Variants in DCHS2 observed in about 807,000 individuals in gnomAD.
The protein encoded by DCHS2 is dachsous cadherin-related 2, also known as protocadherin-23.
DCHS2 carries 142 observed loss-of-function variants against 182.4 expected under a neutral mutation model. The ratio of observed to expected loss-of-function variants is 0.78; its 90% confidence interval spans 0.68 to 0.89. DCHS2 has a LOEUF of 0.89. Among genes scored for constraint, DCHS2 ranks in the 40% least tolerant of loss-of-function variants. The pLI is 0.00. For synonymous variants in DCHS2, 1,740 were observed against 1,663.3 expected (o/e 1.05, Z -1.12); for missense variants, 4,319 against 4,198.6 (o/e 1.03, Z -0.79).
In DCHS2 at chr4:154,428,397, G is replaced by C. The variant is rs955509401; in HGVS notation, c.2053-50953C>G. Among the ~76,000 whole-genome samples the C allele has an allele frequency of 2.6e-5, 4 of 151,962 alleles. No homozygotes were observed. The East Asian group carries it at 5.8e-4, about 22-fold the overall frequency. On this transcript the variant is annotated intron_variant, in intron 1 of 19. Coordinates refer to ENST00000357232, the MANE Select transcript of DCHS2 (RefSeq NM_001358235.2). ...TCTCTACAAAAATAAAAATTAGCCAGGCGTGGTGGTATGTGCCTGTGATTT... is the reference window on the plus strand; with the variant it reads ...TCTCTACAAAAATAAAAATTAGCCACGCGTGGTGGTATGTGCCTGTGATTT...
chr4:154,447,850 C>A (rs1438070024), intron 1 of DCHS2, among the ~76,000 whole-genome samples: 1 of 152,174 alleles, frequency 6.6e-6, no homozygotes, highest in Non-Finnish European at 1.5e-5. Flanking sequence ...TTCCAAGCAA[C>A]CTGAATGTGG....
intron 1 of DCHS2, among the ~76,000 whole-genome samples, chr4:154,488,359 T>C (rs1728662321): frequency 6.6e-6 from 1 of 152,120 alleles, no homozygotes; most frequent in African/African-American, 2.4e-5. Flanking sequence ...TGAGTCCCAC[T>C]GCCCCTCAGA....
At chr4:154,432,081 G>A (rs915763016) in intron 1 of DCHS2, among the ~76,000 whole-genome samples, 1 of 152,124 alleles carries the variant, frequency 6.6e-6, no homozygotes, top group Non-Finnish European at 1.5e-5. Context: ...ACTATCTCTC[G>A]ACTATGGGAA....
intron 2 of DCHS2, among the ~76,000 whole-genome samples, chr4:154,376,918 T>G (rs538959365): frequency 6.6e-6 from 1 of 152,332 alleles, no homozygotes; most frequent in African/African-American, 2.4e-5. Flanking sequence ...AATTGTGAAC[T>G]TATTTGGATC....
intron 16 of DCHS2, among the ~76,000 whole-genome samples, chr4:154,249,785 C>T (rs1393643877): frequency 6.6e-6 from 1 of 151,798 alleles, no homozygotes; most frequent in Non-Finnish European, 1.5e-5. Flanking sequence ...AACAAATTAA[C>T]ACATAAACAA....
chr4:154,356,188 G>A (rs1056612472), intron 3 of DCHS2, among the ~76,000 whole-genome samples: 3 of 151,720 alleles, frequency 2.0e-5, no homozygotes, highest in Admixed American at 6.6e-5. Flanking sequence ...TAATGTGTGC[G>A]TTTGTGTCTC....
In DCHS2 at chr4:154,366,877, C is replaced by T. The variant is rs568939833; in HGVS notation, c.2245-436G>A. Among the ~76,000 whole-genome samples, 5 of 152,132 alleles carry T rather than the reference C, an allele frequency of 3.3e-5. No homozygotes were observed. In the East Asian group the frequency reaches 9.7e-4, roughly 29 times the overall value. On this transcript the variant is annotated intron_variant, in intron 2 of 19. Coordinates refer to ENST00000357232, the MANE Select transcript of DCHS2 (RefSeq NM_001358235.2). Reference sequence around the variant, plus strand: ...AAAAGAAATCAAAATCACTTTTATCCCTAAGATAATTTTTAAGTGAATGCT... The same window carrying T: ...AAAAGAAATCAAAATCACTTTTATCTCTAAGATAATTTTTAAGTGAATGCT...
rs766901031 is a variant in DCHS2, at chr4:154,490,020, C to A, written c.1336G>T (p.Gly446Cys). The A allele has an allele frequency of 6.5e-6, 10 of 1,547,954 alleles. No homozygotes were observed. The highest frequency in any genetic ancestry group is 1.7e-4 in the Middle Eastern group (1 of 6,010). ...VARVSVSDADGDWEKEDEATG... is the reference protein window; with the variant it reads ...VARVSVSDADCDWEKEDEATG... ...GCCTCATCTTCCTTCTCCCAGTCAC[C>A]GTCCGCGTCAGACACCGAGACGCGA... The change falls in exon 1 of 20, where the codon GGT (glycine) becomes TGT (cysteine). Residue 446 changes from glycine to cysteine, a missense_variant. Coordinates refer to ENST00000357232, the MANE Select transcript of DCHS2 (RefSeq NM_001358235.2).
At chr4:154,486,414 A>G (rs1728587956) in intron 1 of DCHS2, 1 of 1,304,000 alleles carries the variant, frequency 7.7e-7, no homozygotes, top group Non-Finnish European at 1.0e-6. Context: ...TGTTTTTATC[A>G]GATGACATGG....
rs573457777 is a variant in DCHS2 at position 154,402,895 on chromosome 4, G to A, written c.2053-25451C>T. 2.6e-5 allele frequency among the ~76,000 whole-genome samples: 4 copies of A among 152,082 alleles called. No individual in the cohort carries two copies. In the South Asian group the frequency reaches 6.2e-4, roughly 24 times the overall value. On this transcript the variant is annotated intron_variant, in intron 1 of 19. Transcript: ENST00000357232. ...TGTAGTTTCCAGTGTACAAGTCCTC[G>A]TGCATTTTATTAAATTTATTCTTAG...
intron 12 of DCHS2, among the ~76,000 whole-genome samples, chr4:154,301,358 G>C (rs1198392082): frequency 6.6e-6 from 1 of 152,170 alleles, no homozygotes; most frequent in Non-Finnish European, 1.5e-5. Flanking sequence ...AGGCATACAA[G>C]TACTAAATTA....
intron 2 of DCHS2, among the ~76,000 whole-genome samples, chr4:154,368,448 G>T (rs1730494433): frequency 6.6e-6 from 1 of 151,674 alleles, no homozygotes; most frequent in Non-Finnish European, 1.5e-5. Flanking sequence ...TAAGAACAAA[G>T]ATCCTAAATC....
At chr4:154,367,470 T>C (rs1161614712) in intron 2 of DCHS2, among the ~76,000 whole-genome samples, 1 of 152,112 alleles carries the variant, frequency 6.6e-6, no homozygotes, top group African/African-American at 2.4e-5. Context: ...CCTAAAGTAG[T>C]GAGAAGTGGA....
intron 8 of DCHS2, among the ~76,000 whole-genome samples, chr4:154,321,458 T>C (rs1312119120): frequency 6.6e-6 from 1 of 152,168 alleles, no homozygotes; most frequent in Non-Finnish European, 1.5e-5. Context: ...TTTGCTGTAT[T>C]GTGTGAAACA....
At chr4:154,242,439 G>GCTTTGACATTTTACTC (rs1184253249) in intron 17 of DCHS2, among the ~76,000 whole-genome samples, 5 of 152,092 alleles carry the variant, frequency 3.3e-5, no homozygotes, top group African/African-American at 1.2e-4. Flanking sequence ...ATGGGGACTT[G>GCTTTGACATTTTACTC]CTTTGACATT....
Position 154,333,094 on chromosome 4 carries a change from G to T in DCHS2, c.3114C>A (p.Asn1038Lys). The change falls in exon 5 of 20, where the codon AAC becomes AAA. Residue 1038 changes from asparagine to lysine, a missense_variant. Asn to Lys is a moderately conservative substitution (Grantham distance 94, BLOSUM62 0). Coordinates refer to ENST00000357232, the MANE Select transcript of DCHS2 (RefSeq NM_001358235.2). ...IDRALGVLFL[N>K]GSLGAGEQRE... ...GCTGCTCGCCCGCGCCCAGGCTGCC[G>T]TTGAGGAACAGCACCCCCAGGGCTC... is the stretch of plus-strand genomic sequence containing the variant. 4.3e-6 allele frequency: 7 copies of T among 1,614,068 alleles called. No individual in the cohort carries two copies. The highest frequency in any genetic ancestry group is 5.9e-6 in the Non-Finnish European group (7 of 1,180,022).
intron 12 of DCHS2, among the ~76,000 whole-genome samples, chr4:154,299,674 T>C (rs1037418084): frequency 2.6e-5 from 4 of 152,176 alleles, no homozygotes; most frequent in South Asian, 4.1e-4. Flanking sequence ...GTAGAGATGA[T>C]TGGACAAACC....
intron 3 of DCHS2, chr4:154,352,326 C>T (rs1381913269): frequency 6.6e-6 from 1 of 152,202 alleles, no homozygotes; most frequent in African/African-American, 2.4e-5. Flanking sequence ...TATCCTCATT[C>T]TCTGAGAAGC....
rs1431169178 is a variant in DCHS2, at chr4:154,453,808, G to T, written c.2052+35496C>A. ...CTTGCCTATCTAATTCCATCATGGA[G>T]GCTGAACCTCAGAGCATCTCTGAAC... On this transcript the variant is annotated intron_variant, in intron 1 of 19. Coordinates refer to ENST00000357232, the MANE Select transcript of DCHS2 (RefSeq NM_001358235.2). Among the ~76,000 whole-genome samples the T allele has an allele frequency of 2.6e-5, 4 of 152,114 alleles. No individual in the cohort carries two copies. In the East Asian group the frequency reaches 7.7e-4, roughly 29 times the overall value.
Sources: allele counts gnomAD v4.1 joint callset (sites outside exome capture counted in the v4.1 genomes callset), GRCh38; gene constraint gnomAD v4.1.1; transcripts MANE v1.5; gene names NCBI Gene and HGNC (gene_info 2026-07-23, HGNC 2026-07-21).